The following NPEPL1 variants were observed in gnomAD, a reference collection of about 807,000 sequenced individuals.
NPEPL1 encodes probable aminopeptidase NPEPL1.
Under a neutral mutation model 52.4 loss-of-function variants are expected in NPEPL1, and 45 were observed. That is an observed-to-expected ratio of 0.86 (90% CI 0.68 to 1.10). The LOEUF is 1.10. NPEPL1 is among the 50% of genes least tolerant of loss of function. NPEPL1 has a pLI of 0.00. For synonymous variants in NPEPL1, 360 were observed against 314.7 expected, an observed-to-expected ratio of 1.14 and a Z score of -1.52; for missense variants, 696 against 710.9, an observed-to-expected ratio of 0.98 and a Z score of 0.24.
chr20:58,691,617 G>A (rs893503870), upstream of NPEPL1: 4 of 642,162 alleles, frequency 6.2e-6, no homozygotes, highest in Non-Finnish European at 1.1e-5. Context: ...TAGGGGGCCA[G>A]CTGGGAGGTC....
chr20:58,694,801 G>A (rs1356676595), intron 3 of NPEPL1, among the ~76,000 whole-genome samples: 1 of 152,230 alleles, frequency 6.6e-6, no homozygotes, highest in Non-Finnish European at 1.5e-5. Context: ...TCAGGATTCT[G>A]TTGTATACAG....
Position 58,699,203 on chromosome 20 carries a change from A to T in NPEPL1, c.604A>T (p.Asn202Tyr), listed in dbSNP as rs2084559119. The change falls in exon 5 of 12, where the codon AAC becomes TAC. Residue 202 changes from asparagine to tyrosine, a missense_variant. Physicochemically the swap from Asn to Tyr is moderately radical, Grantham distance 143 (BLOSUM62 -2). Transcript: ENST00000356091. ...TTTCCATGAACATGTCCAGGAGATT[A>T]ACAAAGTTGGAAAGGAGCTGGGGAT... ...MNTDTFLEEI[N>Y]KVGKELGIIP... 1 of 1,596,576 alleles carries T rather than the reference A, an allele frequency of 6.3e-7. No individual in the cohort carries two copies. The highest frequency in any genetic ancestry group is 8.5e-7 in the Non-Finnish European group (1 of 1,171,510).
At chr20:58,712,076 A>G (rs1417128001) in intron 7 of NPEPL1, among the ~76,000 whole-genome samples, 1 of 151,490 alleles carries the variant, frequency 6.6e-6, no homozygotes, top group Non-Finnish European at 1.5e-5. Flanking sequence ...CTAAACTTCC[A>G]CGAGGCTGAG....
At chr20:58,712,327 C>G (rs989761567) in intron 7 of NPEPL1, among the ~76,000 whole-genome samples, 152 bp from the exon 8 acceptor site, 7 of 152,262 alleles carry the variant, frequency 4.6e-5, no homozygotes, top group Admixed American at 4.6e-4. Context: ...GGACTGTACC[C>G]GGGATGGCAG....
upstream of NPEPL1, chr20:58,691,401 T>TTTTTTTGG (rs2084341094): frequency 2.3e-6 from 1 of 435,088 alleles, no homozygotes; most frequent in Non-Finnish European, 4.0e-6. Flanking sequence ...TTTTTTTTTT[T>TTTTTTTGG]GAGTGCCTGC....
chr20:58,703,862 A>T, intron 6 of NPEPL1: 1 of 984,970 alleles, frequency 1.0e-6, no homozygotes, highest in Non-Finnish European at 1.2e-6. Context: ...ATGGCTCCAG[A>T]TCACCTTCTG....
At chr20:58,693,614 G>A (rs966873686) in intron 1 of NPEPL1, 123 bp from the exon 2 acceptor site, 6 of 798,194 alleles carry the variant, frequency 7.5e-6, no homozygotes, top group Admixed American at 5.4e-5. Context: ...AACGGTGGCC[G>A]GGAGCTGCGC....
upstream of NPEPL1, chr20:58,692,727 C>T (rs1458826738): frequency 1.0e-5 from 8 of 794,460 alleles, no homozygotes; most frequent in Admixed American, 5.2e-4. The surrounding 1 kb of genome is among the most constrained non-coding windows in gnomAD (Gnocchi z 5.7). Context: ...CCCCCTCGCG[C>T]CCCGGGCGGG....
chr20:58,691,364 CTTTTTTTTTTTTTTTTTTTT>C (rs59929508), upstream of NPEPL1: 377 of 177,120 alleles, frequency 2.1e-3, no homozygotes, highest in Middle Eastern at 5.4e-3. Flanking sequence ...CATTCAACAG[CTTTTTTTTTTTTTTTTTTTT>C]TTTTTTTTTT....
chr20:58,691,547 C>T, upstream of NPEPL1: 1 of 651,822 alleles, frequency 1.5e-6, no homozygotes, highest in Non-Finnish European at 2.7e-6. Flanking sequence ...AGACCTGGAG[C>T]CTGTGGACAG....
At chr20:58,702,900 G>A (rs1046188907) in intron 6 of NPEPL1, among the ~76,000 whole-genome samples, 1 of 152,232 alleles carries the variant, frequency 6.6e-6, no homozygotes, top group Non-Finnish European at 1.5e-5. Flanking sequence ...CAGTTCTTCA[G>A]GGTGGATTCT....
chr20:58,704,468 G>A (rs1311624030), intron 6 of NPEPL1: 1 of 671,630 alleles, frequency 1.5e-6, no homozygotes, highest in Non-Finnish European at 1.8e-6. Context: ...TTAAAAGTGA[G>A]AAATTTATAA....
chr20:58,702,663 ATCT>A (rs797004313), intron 6 of NPEPL1, among the ~76,000 whole-genome samples: 26 of 152,214 alleles, frequency 1.7e-4, no homozygotes, highest in African/African-American at 6.0e-4. Flanking sequence ...ATTTAAATTG[ATCT>A]TCTTTACTAA....
chr20:58,712,468 T>C lies in NPEPL1; in HGVS notation c.901-11T>C, dbSNP rs777847690. ...CCTACAACTGGAGCCTCTGCCCACT[T>C]CTCCCTCCAGGGTTTCAAAGACAAC... On this transcript the variant is annotated splice_polypyrimidine_tract_variant and intron_variant, in intron 7 of 11. Transcript: ENST00000356091. The C allele has an allele frequency of 1.9e-6, 3 of 1,602,254 alleles. No homozygotes were observed. The highest frequency in any genetic ancestry group is 3.3e-5 in the Admixed American group (2 of 59,900).
chr20:58,693,895 G>A lies in NPEPL1; in HGVS notation c.309G>A (p.Leu103=). ...TCACGCGGCTGGTGCGGACCTGCCT[G>A]CCGCCCGGAGCGCATCGCTGCATTG... ...HFITRLVRTC[L]PPGAHRCIVM... The change falls in exon 2 of 12, where the codon CTG becomes CTA. Residue 103 remains leucine (L), a synonymous_variant. Transcript: ENST00000356091. 2 of 1,610,242 alleles carry A rather than the reference G, an allele frequency of 1.2e-6. No individual in the cohort carries two copies. The highest frequency in any genetic ancestry group is 1.7e-4 in the Middle Eastern group (1 of 6,048).
chr20:58,691,823 G>A, upstream of NPEPL1: 1 of 1,545,662 alleles, frequency 6.5e-7, no homozygotes, highest in South Asian at 1.2e-5. Context: ...GAGCAATCAG[G>A]ATGTTGGGTA....
At chr20:58,696,542 A>G (rs936139113) in intron 3 of NPEPL1, among the ~76,000 whole-genome samples, 2 of 152,148 alleles carry the variant, frequency 1.3e-5, no homozygotes, top group African/African-American at 2.4e-5. Flanking sequence ...GTCAGTCCCC[A>G]TGGCCCCCGA....
intron 7 of NPEPL1, among the ~76,000 whole-genome samples, chr20:58,707,603 A>G (rs6026461): frequency 0.68 from 103,506 of 151,740 alleles, 36,833 homozygotes; most frequent in African/African-American, 0.88. Flanking sequence ...GACTGGTCTC[A>G]CCAAGTCACC....
upstream of NPEPL1, chr20:58,691,698 T>TTTTTTTTTTTTTTTTTTC (rs2084349767): frequency 8.3e-6 from 2 of 242,268 alleles, no homozygotes; most frequent in African/African-American, 1.8e-4. Context: ...CTTTTCTTTT[T>TTTTTTTTTTTTTTTTTTC]TTTTTTTTTT....
Sources: gnomAD v4.1 joint callset for allele counts (sites outside exome capture counted in the v4.1 genomes callset) on GRCh38, gnomAD v4.1.1 for gene constraint, Gnocchi (gnomAD v3.1) non-coding constraint, MANE v1.5 for transcripts, NCBI Gene and HGNC (gene_info 2026-07-23, HGNC 2026-07-21) for gene names.